Variants in PTPRD observed in about 807,000 individuals in gnomAD.
PTPRD encodes receptor-type tyrosine-protein phosphatase delta.
A neutral mutation model predicts 214.5 loss-of-function variants in PTPRD; 34 were observed. The observed-to-expected ratio is 0.16, with a 90% confidence interval of 0.12 to 0.21. The LOEUF (loss-of-function observed/expected upper bound fraction) is 0.21, where lower values mean the gene tolerates loss of function less well. Ranked by LOEUF, PTPRD falls within the 10% of genes least tolerant of loss-of-function variation. The probability of loss-of-function intolerance (pLI) is 1.00; values close to 1 mark genes in which losing one functional copy is unlikely to be tolerated. For synonymous variants in PTPRD, 1,128 were observed against 845.7 expected, an observed-to-expected ratio of 1.33 and a Z score of -5.79; for missense variants, 2,545 against 2,398.7, an observed-to-expected ratio of 1.06 and a Z score of -1.27.
intron 19 of PTPRD, 97 bp downstream of exon 19, chr9:8,523,416 A>C (rs2097930069): frequency 7.0e-7 from 1 of 1,423,406 alleles, no homozygotes; most frequent in Non-Finnish European, 9.8e-7. Flanking sequence ...AACCAAAAGA[A>C]GAACACAATG....
chr9:9,820,914 T>A (rs2050482336), intron 5 of PTPRD, among the ~76,000 whole-genome samples: 1 of 152,166 alleles, frequency 6.6e-6, no homozygotes, highest in South Asian at 2.1e-4. Flanking sequence ...AACTGGGTAA[T>A]GTAATGCCTC....
intron 10 of PTPRD, among the ~76,000 whole-genome samples, chr9:9,165,464 T>C (rs2099901290): frequency 6.6e-6 from 1 of 152,206 alleles, no homozygotes; most frequent in South Asian, 2.1e-4. Flanking sequence ...GGCAAAGCCA[T>C]TTGGTTGATT....
chr9:10,609,439 T>C (rs926462459), intron 2 of PTPRD, among the ~76,000 whole-genome samples: 1 of 152,062 alleles, frequency 6.6e-6, no homozygotes. Flanking sequence ...TAATCACACT[T>C]CTCTAACTGC....
intron 5 of PTPRD, among the ~76,000 whole-genome samples, chr9:9,786,050 T>A (rs977308040): frequency 6.6e-6 from 1 of 152,170 alleles, no homozygotes; most frequent in African/African-American, 2.4e-5. Flanking sequence ...ATATATTACT[T>A]CTCCATATTT....
At chr9:9,997,557 G>A (rs1306110756) in intron 4 of PTPRD, among the ~76,000 whole-genome samples, 1 of 152,160 alleles carries the variant, frequency 6.6e-6, no homozygotes, top group Admixed American at 6.5e-5. Context: ...CCAAAGTGCT[G>A]TGATTACAGG....
At chr9:10,093,301 T>C (rs1336619938) in intron 3 of PTPRD, among the ~76,000 whole-genome samples, 2 of 151,660 alleles carry the variant, frequency 1.3e-5, no homozygotes, top group East Asian at 1.9e-4. Flanking sequence ...AACAGACACA[T>C]TTCATAAGAT....
chr9:8,680,488 T>C (rs1188834347), intron 12 of PTPRD, among the ~76,000 whole-genome samples: 2 of 152,196 alleles, frequency 1.3e-5, no homozygotes, highest in Non-Finnish European at 2.9e-5. Context: ...TGTGCAATCA[T>C]GAGATTCAAA....
intron 9 of PTPRD, among the ~76,000 whole-genome samples, chr9:9,325,350 T>C (rs1349251508): frequency 6.6e-6 from 1 of 151,840 alleles, no homozygotes; most frequent in African/African-American, 2.4e-5. Flanking sequence ...CATTTGTTTG[T>C]ATCCTTTTTT....
intron 2 of PTPRD, among the ~76,000 whole-genome samples, chr9:10,538,301 G>C (rs2135142000): frequency 6.7e-6 from 1 of 150,262 alleles, no homozygotes; most frequent in African/African-American, 2.4e-5. Context: ...TAAATAAAAA[G>C]GGAGAGGAGT....
chr9:8,840,066 T>C (rs2097528970), intron 11 of PTPRD, among the ~76,000 whole-genome samples: 1 of 152,248 alleles, frequency 6.6e-6, no homozygotes, highest in East Asian at 1.9e-4. Context: ...TGAGATTATA[T>C]TACTTTTATG....
At chr9:10,328,984 A>C (rs956688632) in intron 3 of PTPRD, among the ~76,000 whole-genome samples, 4 of 151,808 alleles carry the variant, frequency 2.6e-5, no homozygotes, top group African/African-American at 7.2e-5. Context: ...TCAGCTCTTC[A>C]GTGTCAGAAT....
intron 7 of PTPRD, among the ~76,000 whole-genome samples, chr9:9,700,988 C>T (rs2097487687): frequency 2.0e-5 from 3 of 151,276 alleles, no homozygotes; most frequent in Non-Finnish European, 2.9e-5. Context: ...GAAACGAGTA[C>T]TTCATTCCCC....
At chr9:9,236,170 T>C (rs1011896787) in intron 9 of PTPRD, among the ~76,000 whole-genome samples, 2 of 152,060 alleles carry the variant, frequency 1.3e-5, no homozygotes, top group Non-Finnish European at 2.9e-5. Context: ...GGAGAATTGC[T>C]TGAATCCAGG....
chr9:8,611,645 C>A (rs1030516211), intron 14 of PTPRD, among the ~76,000 whole-genome samples: 2 of 151,106 alleles, frequency 1.3e-5, no homozygotes, highest in African/African-American at 4.9e-5. Flanking sequence ...GTCTGGGCTG[C>A]AATGACCTGT....
chr9:9,115,651 T>G (rs951298415), intron 10 of PTPRD, among the ~76,000 whole-genome samples: 1 of 152,110 alleles, frequency 6.6e-6, no homozygotes, highest in Non-Finnish European at 1.5e-5. Context: ...AGAAAATAAC[T>G]CATTTTATAA....
Position 10,018,771 on chromosome 9 carries a change from G to A in PTPRD, c.-472+14947C>T, listed in dbSNP as rs113667182. ...TCACCGTTTTAGCCGGGATGGTCTC[G>A]ATCTCCTGACCTCGTGATCCGCCCG... is the stretch of plus-strand genomic sequence containing the variant. On this transcript the variant is annotated intron_variant, in intron 4 of 45. Transcript: ENST00000381196. 4.7e-4 allele frequency among the ~76,000 whole-genome samples: 71 copies of A among 151,184 alleles called. 1 individual carries two copies. The South Asian group carries it at 0.014, about 31-fold the overall frequency.
intron 8 of PTPRD, among the ~76,000 whole-genome samples, chr9:9,484,370 G>C (rs532503120): frequency 6.6e-6 from 1 of 152,194 alleles, no homozygotes; most frequent in South Asian, 2.1e-4. Context: ...AATCAGCATA[G>C]TAGTTAGTTC....
intron 2 of PTPRD, among the ~76,000 whole-genome samples, chr9:10,521,683 C>G (rs1442483800): frequency 6.6e-6 from 1 of 152,102 alleles, no homozygotes; most frequent in Admixed American, 6.6e-5. Context: ...AACCACCACC[C>G]AGATTAGTCA....
chr9:10,330,373 G>C (rs1035598348), intron 3 of PTPRD, among the ~76,000 whole-genome samples: 1 of 151,778 alleles, frequency 6.6e-6, no homozygotes, highest in African/African-American at 2.4e-5. Flanking sequence ...AATTCTCACG[G>C]AGACCAATTC....
Sources: gnomAD v4.1 joint callset for allele counts (sites outside exome capture counted in the v4.1 genomes callset) on GRCh38, gnomAD v4.1.1 for gene constraint, MANE v1.5 for transcripts, NCBI Gene and HGNC (gene_info 2026-07-23, HGNC 2026-07-21) for gene names.